The following STX7 variants were observed in gnomAD, a reference collection of about 807,000 sequenced individuals.
The protein encoded by STX7 is syntaxin-7.
A neutral mutation model predicts 39.6 loss-of-function variants in STX7; 34 were observed. The observed-to-expected ratio is 0.86, with a 90% CI of 0.65 to 1.14. STX7 has a LOEUF of 1.14. Ranked by LOEUF, STX7 falls within the 50% of genes most tolerant of loss-of-function variation. STX7 has a pLI of 0.00. For synonymous variants in STX7, 119 were observed against 99.1 expected (o/e 1.20, Z -1.19); for missense variants, 284 against 310.4 (o/e 0.92, Z 0.64).
chr6:132,464,122 T>C (rs1774497457), intron 8 of STX7, 47 bp from the exon 9 acceptor site: 2 of 1,518,456 alleles, frequency 1.3e-6, no homozygotes, highest in Non-Finnish European at 1.8e-6. Flanking sequence ...CATGGATTGA[T>C]GCTCCAGTAA....
At chr6:132,505,731 A>C (rs1775681839) in intron 1 of STX7, among the ~76,000 whole-genome samples, 1 of 117,908 alleles carries the variant, frequency 8.5e-6, no homozygotes, top group African/African-American at 3.6e-5. Context: ...ATGCATCTCC[A>C]AGTCACTTAA....
chr6:132,490,482 A>G (rs1384268780), intron 2 of STX7, among the ~76,000 whole-genome samples: 1 of 152,210 alleles, frequency 6.6e-6, no homozygotes, highest in Non-Finnish European at 1.5e-5. Flanking sequence ...CATATTATAG[A>G]ATGGGGGAGC....
Position 132,470,646 on chromosome 6 carries a change from G to C in STX7, c.388-20C>G. On this transcript the variant is annotated intron_variant, in intron 5 of 9. Transcript: ENST00000367941. ...ACTGCCCTGAATAATTTAGTAACAG[G>C]ATGGAATGAGAAGGGGCAAAAAAAG... 1 of 1,595,264 alleles carries C rather than the reference G, an allele frequency of 6.3e-7. No homozygotes were observed.
Position 132,451,478 on chromosome 6 carries a change from A to C in STX7, c.*9280T>G, listed in dbSNP as rs2114319559. 6.6e-6 allele frequency: 1 copy of C among 152,336 alleles called. No individual in the cohort carries two copies. Among genetic ancestry groups the C allele is most frequent in the South Asian group, 2.1e-4 (1 of 4,832 alleles). 9.4% of individuals were successfully genotyped at this position (152,336 alleles called of 1,614,324 possible). A position where few individuals can be genotyped will look rare whatever the true frequency, so the allele number is the denominator to read the frequency against. On this transcript the variant is annotated 3_prime_UTR_variant, in exon 10 of 10. Coordinates refer to ENST00000367941, the MANE Select transcript of STX7 (RefSeq NM_003569.3). ...TATGTCTAATGTAAATATTCTTCAG[A>C]TATCAAGGGAAAATCAAGACATTTT...
chr6:132,463,101 C>A (rs1401804197), intron 9 of STX7, among the ~76,000 whole-genome samples: 1 of 151,602 alleles, frequency 6.6e-6, no homozygotes, highest in Non-Finnish European at 1.5e-5. Context: ...ACACACTATT[C>A]GGGAGGCTGA....
intron 1 of STX7, among the ~76,000 whole-genome samples, chr6:132,509,240 ACAAGGT>A (rs1235809000): frequency 6.6e-6 from 1 of 152,026 alleles, no homozygotes; most frequent in African/African-American, 2.4e-5. Flanking sequence ...CAGGCAGATG[ACAAGGT>A]CAAGAGATTG....
chr6:132,492,113 ACT>A (rs890558867), intron 2 of STX7, among the ~76,000 whole-genome samples: 2 of 151,328 alleles, frequency 1.3e-5, no homozygotes, highest in Non-Finnish European at 2.9e-5. Context: ...CCTGGTACCA[ACT>A]CTCTCTCTTC....
intron 7 of STX7, among the ~76,000 whole-genome samples, chr6:132,469,683 C>T (rs980639941): frequency 1.3e-5 from 2 of 151,928 alleles, no homozygotes; most frequent in Non-Finnish European, 2.9e-5. Flanking sequence ...GCTAAAAGTA[C>T]AAAAAATTAG....
intron 8 of STX7, among the ~76,000 whole-genome samples, chr6:132,468,035 C>T (rs1774607973): frequency 6.6e-6 from 1 of 152,090 alleles, no homozygotes; most frequent in South Asian, 2.1e-4. Flanking sequence ...TTACATATAC[C>T]ACAAGTTTCC....
At chr6:132,509,453 A>C (rs570400963) in intron 1 of STX7, among the ~76,000 whole-genome samples, 755 of 4,748 alleles carry the variant, frequency 0.16, 18 homozygotes, top group Admixed American at 0.39. Flanking sequence ...TCGTCTCAAA[A>C]TAACATAACA....
chr6:132,471,894 T>C (rs1354556451), intron 4 of STX7, among the ~76,000 whole-genome samples: 2 of 152,220 alleles, frequency 1.3e-5, no homozygotes, highest in Non-Finnish European at 1.5e-5. Flanking sequence ...TAAAGCCTTA[T>C]ACTTTTAGCT....
intron 8 of STX7, among the ~76,000 whole-genome samples, chr6:132,465,381 T>C (rs528653822): frequency 6.6e-6 from 1 of 152,282 alleles, no homozygotes; most frequent in African/African-American, 2.4e-5. Flanking sequence ...CCCTCACATA[T>C]GGCATGTCCT....
At chr6:132,475,553 G>C in intron 3 of STX7, 40 bp downstream of exon 3, 1 of 1,415,448 alleles carries the variant, frequency 7.1e-7, no homozygotes, top group Non-Finnish European at 9.7e-7. Flanking sequence ...TAGCAATAGA[G>C]TTTTTTCTTT....
chr6:132,471,346 T>C (rs1334412467), intron 5 of STX7, 117 bp downstream of exon 5: 29 of 1,172,112 alleles, frequency 2.5e-5, no homozygotes, highest in Non-Finnish European at 2.3e-5. Context: ...ATTCAAGAGC[T>C]GATTTCCAAG....
At chr6:132,473,594 G>C (rs922428729) in intron 3 of STX7, among the ~76,000 whole-genome samples, 5 of 145,882 alleles carry the variant, frequency 3.4e-5, no homozygotes, top group Non-Finnish European at 5.9e-5. Context: ...TGGATACAGA[G>C]TGCTGACTAC....
rs1360893958 is a variant in STX7, at chr6:132,447,167, T to C, written c.*13591A>G. The C allele has an allele frequency of 6.6e-6, 1 of 152,204 alleles. No homozygotes were observed. The highest frequency in any genetic ancestry group is 2.4e-5 in the African/African-American group (1 of 41,452). 9.4% of individuals were successfully genotyped at this position (152,204 alleles called of 1,614,324 possible). ...TAACATTTGACACCAGGCTTTTAAG[T>C]AAAACACCCTAAGATGGAACTTACT... On this transcript the variant is annotated 3_prime_UTR_variant, in exon 10 of 10. Transcript: ENST00000367941.
intron 2 of STX7, among the ~76,000 whole-genome samples, chr6:132,480,717 T>A (rs1774996580): frequency 1.3e-5 from 2 of 152,162 alleles, no homozygotes; most frequent in African/African-American, 4.8e-5. Flanking sequence ...GACCCAGGGC[T>A]GAAAATCTGG....
intron 1 of STX7, among the ~76,000 whole-genome samples, chr6:132,509,145 G>A (rs77962406): frequency 0.029 from 4,371 of 152,068 alleles, 233 homozygotes; most frequent in African/African-American, 0.099. Flanking sequence ...CAAAATTGAG[G>A]GCAGGTGAAC....
At position 132,452,376 on chromosome 6, in the gene STX7, C is replaced by T. The variant is rs1312139468; in HGVS notation, c.*8382G>A. The T allele has an allele frequency of 6.6e-6, 1 of 151,634 alleles. No homozygotes were observed. Among genetic ancestry groups the T allele is most frequent in the South Asian group, 2.1e-4 (1 of 4,822 alleles). The allele number at this position is 151,634 out of a possible 1,614,324, so 9.4% of individuals were successfully genotyped here. ...GCTTTTATTTCTGCTGGAATTTCTA[C>T]CCACTGCATTAAGGGACTGAAAGGA... On this transcript the variant is annotated 3_prime_UTR_variant, in exon 10 of 10. Transcript: ENST00000367941.
Sources: gnomAD v4.1 joint callset for allele counts (sites outside exome capture counted in the v4.1 genomes callset) on GRCh38, gnomAD v4.1.1 for gene constraint, MANE v1.5 for transcripts, NCBI Gene and HGNC (gene_info 2026-07-23, HGNC 2026-07-21) for gene names.